The following FAM210A variants were observed in gnomAD, a reference collection of about 807,000 sequenced individuals.
The protein encoded by FAM210A is family with sequence similarity 210 member A.
A neutral mutation model predicts 25.3 loss-of-function variants in FAM210A; 13 were observed. The ratio of observed to expected loss-of-function variants is 0.51; its 90% CI spans 0.33 to 0.82. FAM210A has a LOEUF of 0.82. Among genes scored for constraint, FAM210A ranks in the 40% least tolerant of loss-of-function variants. The pLI is 0.02. For synonymous variants in FAM210A, 125 were observed against 118.7 expected, an observed-to-expected ratio of 1.05 and a Z score of -0.35; for missense variants, 319 against 323.2, an observed-to-expected ratio of 0.99 and a Z score of 0.10.
chr18:13,692,784 A>G (rs2043658540), intron 1 of FAM210A, among the ~76,000 whole-genome samples: 4 of 152,260 alleles, frequency 2.6e-5, no homozygotes. Flanking sequence ...AATGCCCACA[A>G]GAGAAAGCAG....
At chr18:13,696,741 A>G (rs150740356) in intron 1 of FAM210A, among the ~76,000 whole-genome samples, 2 of 152,372 alleles carry the variant, frequency 1.3e-5, no homozygotes, top group East Asian at 1.9e-4. Flanking sequence ...AAATATTAAT[A>G]GGCAAAAGCT....
chr18:13,674,809 C>CTTT (rs201439822), intron 2 of FAM210A, among the ~76,000 whole-genome samples: 1 of 131,074 alleles, frequency 7.6e-6, no homozygotes, highest in Non-Finnish European at 1.7e-5. Flanking sequence ...GCCCCGACTT[C>CTTT]ATTTCCAGTT....
At chr18:13,675,210 T>C (rs1389227302) in intron 2 of FAM210A, among the ~76,000 whole-genome samples, 90 of 138,462 alleles carry the variant, frequency 6.5e-4, no homozygotes, top group African/African-American at 2.2e-3. Context: ...TCCTGAGCCC[T>C]GGCTTCTTTA....
rs552269643 is a variant in FAM210A at position 13,669,110 on chromosome 18, C to T, written c.586-2397G>A. Among the ~76,000 whole-genome samples, 14 of 152,308 alleles carry T rather than the reference C, an allele frequency of 9.2e-5. No homozygotes were observed. The East Asian group carries it at 2.7e-3, about 29-fold the overall frequency. On this transcript the variant is annotated intron_variant, in intron 3 of 3. Coordinates refer to ENST00000651643, the MANE Select transcript of FAM210A (RefSeq NM_152352.4). ...AACCATCAGAAAACCCCAGCAACCA[C>T]GTCTTTAAAACGTATCGAGAATCCA...
intron 2 of FAM210A, among the ~76,000 whole-genome samples, chr18:13,672,218 G>T (rs1197186914): frequency 1.3e-5 from 2 of 152,044 alleles, no homozygotes; most frequent in East Asian, 3.9e-4. Context: ...CTTCATGTGG[G>T]CATCCTAGTA....
At chr18:13,706,353 G>GGT (rs2043777990) in intron 1 of FAM210A, among the ~76,000 whole-genome samples, 1 of 47,220 alleles carries the variant, frequency 2.1e-5, no homozygotes, top group Non-Finnish European at 6.2e-5. Flanking sequence ...AAATGAAAAT[G>GGT]GGGGGGGGTC....
chr18:13,676,901 A>AG (rs750649997), intron 2 of FAM210A, among the ~76,000 whole-genome samples: 5 of 152,130 alleles, frequency 3.3e-5, no homozygotes, highest in Non-Finnish European at 5.9e-5. Context: ...CATCACAACA[A>AG]GGGACACATA....
In FAM210A at chr18:13,666,549, T is replaced by C. The variant is rs753277415; in HGVS notation, c.750A>G (p.Thr250=). The C allele has an allele frequency of 6.2e-7, 1 of 1,614,240 alleles. No homozygotes were observed. The highest frequency in any genetic ancestry group is 1.7e-5 in the Admixed American group (1 of 60,020). ...GTAACTTTTCAGTGAGTCTATCTTT[T>C]GTTTCTTCCATTTTCTCTGTGATAA... ...KELITEKMEE[T]KDRLTEKLQE... The change falls in exon 4 of 4, where the codon ACA becomes ACG. Residue 250 remains threonine (T), a synonymous_variant. Transcript: ENST00000651643.
At chr18:13,705,342 T>C (rs1236229406) in intron 1 of FAM210A, among the ~76,000 whole-genome samples, 1 of 152,268 alleles carries the variant, frequency 6.6e-6, no homozygotes, top group African/African-American at 2.4e-5. Flanking sequence ...AGAACCAGGA[T>C]AGCCACCTTG....
chr18:13,702,548 C>G (rs572986764), intron 1 of FAM210A, among the ~76,000 whole-genome samples: 196 of 152,328 alleles, frequency 1.3e-3, no homozygotes, highest in African/African-American at 4.4e-3. Context: ...TACACTTACT[C>G]TTGGTCTCTG....
rs1194386500 is a variant in FAM210A, at chr18:13,681,946, T to C, written c.132A>G (p.Lys44=). The C allele has an allele frequency of 6.2e-7, 1 of 1,614,066 alleles. No homozygotes were observed. Among genetic ancestry groups the C allele is most frequent in the Non-Finnish European group, 8.5e-7 (1 of 1,180,034 alleles). The change falls in exon 2 of 4, where the codon AAA becomes AAG. Residue 44 remains lysine, a synonymous_variant. Coordinates refer to ENST00000651643, the MANE Select transcript of FAM210A (RefSeq NM_152352.4). ...GPLLLYNAES[K]VVLVQGPQKQ... The stretch of plus-strand genomic sequence containing the variant: ...TTTGAGGGCCTTGTACCAAAACCAC[T>C]TTGGATTCAGCATTGTATAAAAGTA...
chr18:13,720,880 C>T (rs1251433610), intron 1 of FAM210A, among the ~76,000 whole-genome samples: 1 of 152,128 alleles, frequency 6.6e-6, no homozygotes, highest in Non-Finnish European at 1.5e-5. Flanking sequence ...TGATGGTTTG[C>T]TGGAAATGTG....
At chr18:13,684,245 A>C (rs2043577749) in intron 1 of FAM210A, among the ~76,000 whole-genome samples, 1 of 152,108 alleles carries the variant, frequency 6.6e-6, no homozygotes, top group Non-Finnish European at 1.5e-5. Context: ...AAATATAAAA[A>C]AAAATTAGCC....
chr18:13,686,253 T>C (rs1046572922), intron 1 of FAM210A, among the ~76,000 whole-genome samples: 2 of 152,196 alleles, frequency 1.3e-5, no homozygotes, highest in Admixed American at 6.5e-5. Context: ...CAAAGAGACA[T>C]TAAAATGAGA....
intron 1 of FAM210A, among the ~76,000 whole-genome samples, chr18:13,689,002 G>A (rs970959528): frequency 6.6e-6 from 1 of 152,242 alleles, no homozygotes; most frequent in African/African-American, 2.4e-5. Context: ...GTGAGGGGTT[G>A]AGCGGGGCAG....
chr18:13,696,654 C>G (rs1309427576), intron 1 of FAM210A, among the ~76,000 whole-genome samples: 2 of 152,088 alleles, frequency 1.3e-5, no homozygotes, highest in Non-Finnish European at 2.9e-5. Context: ...GATGATCCTG[C>G]CCCTGGGTAG....
intron 1 of FAM210A, among the ~76,000 whole-genome samples, chr18:13,696,151 G>T (rs1435800139): frequency 6.6e-6 from 1 of 152,182 alleles, no homozygotes; most frequent in Non-Finnish European, 1.5e-5. Flanking sequence ...AGCAGTTTTT[G>T]TCAGTATGAT....
At chr18:13,688,913 T>G (rs1012437416) in intron 1 of FAM210A, among the ~76,000 whole-genome samples, 2 of 152,264 alleles carry the variant, frequency 1.3e-5, no homozygotes, top group Non-Finnish European at 2.9e-5. Context: ...ACAGCAGACC[T>G]GAGTGAGCAG....
Position 13,678,054 on chromosome 18 carries a change from TTCTTCTA to T in FAM210A, c.473+3544_473+3550del, listed in dbSNP as rs1461456921. Among the ~76,000 whole-genome samples, 9 of 152,294 alleles carry T rather than the reference TTCTTCTA, an allele frequency of 5.9e-5. No individual in the cohort carries two copies. The East Asian group carries it at 9.7e-4, about 16-fold the overall frequency. ...AAATAAACTACGAGTCCAATCTCAT[TTCTTCTA>T]TCTTCTATCTTCAGTTTCAATTCTT... On this transcript the variant is annotated intron_variant, in intron 2 of 3. Coordinates refer to ENST00000651643, the MANE Select transcript of FAM210A (RefSeq NM_152352.4).
Sources: allele counts gnomAD v4.1 joint callset (sites outside exome capture counted in the v4.1 genomes callset), GRCh38; gene constraint gnomAD v4.1.1; transcripts MANE v1.5; gene names NCBI Gene and HGNC (gene_info 2026-07-23, HGNC 2026-07-21).